The following AUTS2 variants were observed in gnomAD, a reference collection of about 807,000 sequenced individuals.
The protein encoded by AUTS2 is activator of transcription and developmental regulator AUTS2.
A neutral mutation model predicts 112.4 loss-of-function variants in AUTS2; 17 were observed. The observed-to-expected ratio is 0.15, with a 90% CI of 0.10 to 0.23. AUTS2 has a LOEUF of 0.23. AUTS2 is among the 10% of genes least tolerant of loss of function. AUTS2 has a pLI of 1.00. For missense variants in AUTS2, 1,510 were observed against 1,701.6 expected (o/e 0.89, Z 1.98); for synonymous variants, 751 against 702.7 (o/e 1.07, Z -1.09).
intron 14 of AUTS2, among the ~76,000 whole-genome samples, chr7:70,777,587 C>T (rs1252488079): frequency 6.6e-6 from 1 of 152,192 alleles, no homozygotes; most frequent in Non-Finnish European, 1.5e-5. Context: ...AGTTCTCCCA[C>T]CTGAGCCTCC....
intron 5 of AUTS2, among the ~76,000 whole-genome samples, chr7:70,569,969 C>A (rs1801869462): frequency 6.6e-6 from 1 of 152,136 alleles, no homozygotes; most frequent in South Asian, 2.1e-4. Context: ...AACGAAGATG[C>A]CTCAGATAAT....
intron 1 of AUTS2, among the ~76,000 whole-genome samples, chr7:69,743,852 A>G (rs1289082597): frequency 6.6e-6 from 1 of 152,194 alleles, no homozygotes; most frequent in Non-Finnish European, 1.5e-5. Context: ...GCTGGAGTAC[A>G]GTAGAACGAT....
intron 4 of AUTS2, among the ~76,000 whole-genome samples, chr7:70,410,620 G>T (rs929293777): frequency 3.3e-5 from 5 of 151,264 alleles, no homozygotes; most frequent in African/African-American, 1.2e-4. Context: ...GACGGGTTTC[G>T]CCATGTCTCT....
intron 3 of AUTS2, among the ~76,000 whole-genome samples, chr7:70,131,920 G>A (rs1264090651): frequency 6.6e-6 from 1 of 151,728 alleles, no homozygotes; most frequent in Non-Finnish European, 1.5e-5. Context: ...TCAGAATCTT[G>A]GGGTTGTAGG....
At chr7:69,806,553 A>G (rs1447578779) in intron 1 of AUTS2, among the ~76,000 whole-genome samples, 1 of 151,906 alleles carries the variant, frequency 6.6e-6, no homozygotes, top group African/African-American at 2.4e-5. Context: ...TGTAGCCTCG[A>G]TTTCCCAGGT....
At chr7:69,681,671 TG>T (rs1796804443) in intron 1 of AUTS2, among the ~76,000 whole-genome samples, 1 of 152,176 alleles carries the variant, frequency 6.6e-6, no homozygotes, top group South Asian at 2.1e-4. Context: ...GTAGATGAGG[TG>T]GTTATGCTTC....
At chr7:70,543,884 C>T (rs1415162431) in intron 5 of AUTS2, among the ~76,000 whole-genome samples, 1 of 152,180 alleles carries the variant, frequency 6.6e-6, no homozygotes, top group African/African-American at 2.4e-5. Flanking sequence ...TTGAAGTCTA[C>T]CTGAATTCCA....
At chr7:69,892,299 G>A (rs1794563433) in intron 1 of AUTS2, among the ~76,000 whole-genome samples, 1 of 151,412 alleles carries the variant, frequency 6.6e-6, no homozygotes, top group African/African-American at 2.4e-5. Context: ...AGCCTCCTGA[G>A]TAGCTGGGAC....
intron 4 of AUTS2, among the ~76,000 whole-genome samples, chr7:70,374,324 C>G (rs1792983414): frequency 6.6e-6 from 1 of 152,060 alleles, no homozygotes; most frequent in Non-Finnish European, 1.5e-5. Context: ...AATTTTTTGC[C>G]TTGTGGGGTT....
chr7:70,325,876 G>T (rs756703733), intron 4 of AUTS2, among the ~76,000 whole-genome samples: 1 of 152,194 alleles, frequency 6.6e-6, no homozygotes, highest in Non-Finnish European at 1.5e-5. Flanking sequence ...TCTGAGCCCT[G>T]CCAGCACAAG....
At chr7:69,648,843 A>C (rs1475070835) in intron 1 of AUTS2, among the ~76,000 whole-genome samples, 3 of 152,036 alleles carry the variant, frequency 2.0e-5, no homozygotes, top group Non-Finnish European at 4.4e-5. Context: ...AAATGCCTTG[A>C]GTTCCTTGGG....
At chr7:70,509,328 A>G (rs1256073511) in intron 5 of AUTS2, among the ~76,000 whole-genome samples, 4 of 152,200 alleles carry the variant, frequency 2.6e-5, no homozygotes, top group African/African-American at 9.7e-5. Context: ...GCCATGGTGT[A>G]TGGGAGAGGC....
At chr7:70,544,496 C>T (rs1455850054) in intron 5 of AUTS2, among the ~76,000 whole-genome samples, 1 of 152,094 alleles carries the variant, frequency 6.6e-6, no homozygotes, top group African/African-American at 2.4e-5. Flanking sequence ...TCACAGGCAT[C>T]AGGAATAAAT....
At chr7:70,714,707 C>T (rs778916749) in intron 6 of AUTS2, among the ~76,000 whole-genome samples, 19 of 152,286 alleles carry the variant, frequency 1.2e-4, no homozygotes, top group African/African-American at 2.6e-4. Context: ...GAAGTCCTTG[C>T]GGTGTCATTT....
At chr7:70,556,647 C>T (rs754781179) in intron 5 of AUTS2, among the ~76,000 whole-genome samples, 8 of 152,134 alleles carry the variant, frequency 5.3e-5, no homozygotes, top group Admixed American at 2.0e-4. Context: ...TGTTGGTAGC[C>T]CTGAGACTTC....
At chr7:70,051,898 A>G (rs1036162355) in intron 2 of AUTS2, among the ~76,000 whole-genome samples, 4 of 152,170 alleles carry the variant, frequency 2.6e-5, no homozygotes, top group Non-Finnish European at 4.4e-5. Context: ...ATGACTGACC[A>G]TCATGGGAGT....
intron 1 of AUTS2, among the ~76,000 whole-genome samples, chr7:69,680,714 G>T (rs1435287299): frequency 6.6e-6 from 1 of 151,984 alleles, no homozygotes; most frequent in Non-Finnish European, 1.5e-5. Context: ...GTGTTGCTCA[G>T]GCTGGAGTGC....
At chr7:70,540,915 T>C (rs894928879) in intron 5 of AUTS2, among the ~76,000 whole-genome samples, 6 of 152,140 alleles carry the variant, frequency 3.9e-5, no homozygotes, top group African/African-American at 1.4e-4. Flanking sequence ...GAGGGGTTGA[T>C]CTGGTCTCTG....
At chr7:70,268,425 A>G (rs1787538243) in intron 4 of AUTS2, among the ~76,000 whole-genome samples, 1 of 152,222 alleles carries the variant, frequency 6.6e-6, no homozygotes, top group Non-Finnish European at 1.5e-5. Flanking sequence ...TTCTATAAGT[A>G]GCTTAGTACA....
Sources: gnomAD v4.1 joint callset for allele counts (sites outside exome capture counted in the v4.1 genomes callset) on GRCh38, gnomAD v4.1.1 for gene constraint, MANE v1.5 for transcripts, NCBI Gene and HGNC (gene_info 2026-07-23, HGNC 2026-07-21) for gene names.